GDF7: variants seen among roughly 807,000 people sequenced by gnomAD.
The protein encoded by GDF7 is growth differentiation factor 7, also known as growth/differentiation factor 7.
Under a neutral mutation model 13.4 loss-of-function variants are expected in GDF7, and 12 were observed. The ratio of observed to expected loss-of-function variants is 0.90; its 90% CI spans 0.57 to 1.45. The LOEUF is 1.45. Among genes scored for constraint, GDF7 ranks in the 40% most tolerant of loss-of-function variants. The probability of loss-of-function intolerance (pLI) is 0.00; values close to 1 mark genes in which losing one functional copy is unlikely to be tolerated. For synonymous variants in GDF7, 330 were observed against 306.4 expected (o/e 1.08, Z -0.80); for missense variants, 651 against 652.4 (o/e 1.00, Z 0.02).
rs1418360554 is a variant in GDF7 at position 20,675,834 on chromosome 2, G to A, written c.*4409G>A. ...TATCCTTAATAGGTGCCTCATGGAT[G>A]TGCTTTGAATTCCCCTGGGCTGAGG... On this transcript the variant is annotated 3_prime_UTR_variant, in exon 2 of 2. Coordinates refer to ENST00000272224, the MANE Select transcript of GDF7 (RefSeq NM_182828.4). The A allele has an allele frequency of 6.6e-6, 1 of 152,396 alleles. No homozygotes were observed. Among genetic ancestry groups the A allele is most frequent in the African/African-American group, 2.4e-5 (1 of 41,460 alleles). The allele number at this position is 152,396 out of a possible 1,614,324, so 9.4% of individuals were successfully genotyped here. A position where few individuals can be genotyped will look rare whatever the true frequency, so the allele number is the denominator to read the frequency against.
At position 20,671,237 on chromosome 2, in the gene GDF7, C is replaced by A. The variant is rs1662119487; in HGVS notation, c.1165C>A (p.His389Asn). 6.2e-7 allele frequency: 1 copy of A among 1,614,026 alleles called. No homozygotes were observed. The highest frequency in any genetic ancestry group is 8.5e-7 in the Non-Finnish European group (1 of 1,179,964). ...EGLCDFPLRS[H>N]LEPTNHAIIQ... ...CCTTTGCGACTTCCCTTTGCGTTCG[C>A]ACCTCGAGCCCACCAACCATGCCAT... is the stretch of plus-strand genomic sequence containing the variant. The change falls in exon 2 of 2, where the codon CAC (histidine) becomes AAC (asparagine). Residue 389 changes from histidine (H) to asparagine (N), a missense_variant. By Grantham distance (68) the His-to-Asn change is moderately conservative. Coordinates refer to ENST00000272224, the MANE Select transcript of GDF7 (RefSeq NM_182828.4).
At chr2:20,670,427 A>T (rs1310033702) in intron 1 of GDF7, 37 bp from the exon 2 acceptor site, 1 of 1,485,686 alleles carries the variant, frequency 6.7e-7, no homozygotes, top group African/African-American at 1.5e-5. Context: ...TTGCTCTTAC[A>T]CAGCTCTTTC....
At position 20,667,636 on chromosome 2, in the gene GDF7, T is replaced by A; in HGVS notation, c.391+6T>A. On this transcript the variant is annotated splice_donor_region_variant and intron_variant, in intron 1 of 1. Coordinates refer to ENST00000272224, the MANE Select transcript of GDF7 (RefSeq NM_182828.4). The surrounding 1 kb of genome is among the most constrained non-coding windows in gnomAD (Gnocchi z 6.4). ...CACAGACCAGGCGACCCAAGGTACT[T>A]ACGCCTCTTCTGTGCCCGCCCATCC... The A allele has an allele frequency of 6.8e-7, 1 of 1,468,030 alleles. No individual in the cohort carries two copies. The highest frequency in any genetic ancestry group is 9.0e-7 in the Non-Finnish European group (1 of 1,114,592). 90.9% of individuals were successfully genotyped at this position (1,468,030 alleles called of 1,614,324 possible). A position where few individuals can be genotyped will look rare whatever the true frequency, so the allele number is the denominator to read the frequency against.
chr2:20,670,948 GGCCGCTCTGGCCTCAGA>G lies in GDF7; in HGVS notation c.883_899del (p.Leu295AlafsTer185), dbSNP rs766197466. On this transcript the variant is annotated frameshift_variant, in exon 2 of 2. Transcript: ENST00000272224. LOFTEE classifies it low-confidence loss of function (END_TRUNC). Reference sequence around the variant, plus strand: ...TCCGCGCCCAGGCCCGCGCGCTCGGGGCCGCTCTGGCCTCAGAGCCGCTGCCCGACCCAGGAACCGGC... The same window carrying G: ...TCCGCGCCCAGGCCCGCGCGCTCGGGGCCGCTGCCCGACCCAGGAACCGGC... The G allele has an allele frequency of 1.3e-6, 2 of 1,566,662 alleles. No homozygotes were observed. The highest frequency in any genetic ancestry group is 1.7e-6 in the Non-Finnish European group (2 of 1,164,774).
rs769217824 is a variant in GDF7 at position 20,678,325 on chromosome 2, C to T, written c.*6900C>T. On this transcript the variant is annotated 3_prime_UTR_variant, in exon 2 of 2. Coordinates refer to ENST00000272224, the MANE Select transcript of GDF7 (RefSeq NM_182828.4). ...CAAACAGCTTTTATGTTTTCTTTGA[C>T]GAAGAATCATAATTGAGTCACTTTA... The T allele has an allele frequency of 1.1e-4, 16 of 152,156 alleles. No homozygotes were observed. Among genetic ancestry groups the T allele is most frequent in the African/African-American group, 3.6e-4 (15 of 41,422 alleles). 9.4% of individuals were successfully genotyped at this position (152,156 alleles called of 1,614,324 possible).
Position 20,678,335 on chromosome 2 carries a change from T to C in GDF7, c.*6910T>C, listed in dbSNP as rs1662267626. The C allele has an allele frequency of 6.6e-6, 1 of 152,270 alleles. No homozygotes were observed. Among genetic ancestry groups the C allele is most frequent in the African/African-American group, 2.4e-5 (1 of 41,462 alleles). The allele number at this position is 152,270 out of a possible 1,614,324, so 9.4% of individuals were successfully genotyped here. ...TTATGTTTTCTTTGACGAAGAATCA[T>C]AATTGAGTCACTTTAGGTCTTTTAG... is the stretch of plus-strand genomic sequence containing the variant. On this transcript the variant is annotated 3_prime_UTR_variant, in exon 2 of 2. Transcript: ENST00000272224.
In GDF7 at chr2:20,677,799, C is replaced by T. The variant is rs894092004; in HGVS notation, c.*6374C>T. ...CACAGGTCATCCTGGGGAGACCGCT[C>T]ATGGGCTATGGGCAGCCCATGCCTG... On this transcript the variant is annotated 3_prime_UTR_variant, in exon 2 of 2. Coordinates refer to ENST00000272224, the MANE Select transcript of GDF7 (RefSeq NM_182828.4). 6 of 152,298 alleles carry T rather than the reference C, an allele frequency of 3.9e-5. No homozygotes were observed. The highest frequency in any genetic ancestry group is 7.2e-5 in the African/African-American group (3 of 41,472). 9.4% of individuals were successfully genotyped at this position (152,298 alleles called of 1,614,324 possible). A position where few individuals can be genotyped will look rare whatever the true frequency, so the allele number is the denominator to read the frequency against.
Position 20,677,868 on chromosome 2 carries a change from T to G in GDF7, c.*6443T>G, listed in dbSNP as rs1662259414. On this transcript the variant is annotated 3_prime_UTR_variant, in exon 2 of 2. Transcript: ENST00000272224. ...TCTGAAAAGCAGTGACCAGGTGTGT[T>G]GAGGGCCTCCCCTTGCCTGCACCTT... 6.6e-6 allele frequency: 1 copy of G among 152,468 alleles called. No individual in the cohort carries two copies. The highest frequency in any genetic ancestry group is 2.1e-4 in the South Asian group (1 of 4,836). 9.4% of individuals were successfully genotyped at this position (152,468 alleles called of 1,614,324 possible).
rs111585453 is a variant in GDF7 at position 20,669,002 on chromosome 2, C to T, written c.391+1372C>T. Among the ~76,000 whole-genome samples the T allele has an allele frequency of 1.3e-3, 193 of 152,322 alleles. 4 individuals carry two copies. The highest frequency in any genetic ancestry group is 6.8e-3 in the Middle Eastern group (2 of 294). On this transcript the variant is annotated intron_variant, in intron 1 of 1. Coordinates refer to ENST00000272224, the MANE Select transcript of GDF7 (RefSeq NM_182828.4). ...CTTCTTAAGGTTGAGCTAGTTCTAC[C>T]ATGGTCTCAGACAGGAGATAAATCC...
At position 20,671,660 on chromosome 2, in the gene GDF7, C is replaced by G; in HGVS notation, c.*235C>G. 1.8e-6 allele frequency: 1 copy of G among 541,590 alleles called. No individual in the cohort carries two copies. Among genetic ancestry groups the G allele is most frequent in the Non-Finnish European group, 3.3e-6 (1 of 302,512 alleles). 33.5% of individuals were successfully genotyped at this position (541,590 alleles called of 1,614,324 possible). A position where few individuals can be genotyped will look rare whatever the true frequency, so the allele number is the denominator to read the frequency against. ...ACCTGCCGGTACCGAATGTCAAAGC[C>G]CTGTGTATTTTGCAAACAGATAACC... On this transcript the variant is annotated 3_prime_UTR_variant, in exon 2 of 2. Coordinates refer to ENST00000272224, the MANE Select transcript of GDF7 (RefSeq NM_182828.4).
In GDF7 at chr2:20,675,699, TGG is replaced by T. The variant is rs1228044876; in HGVS notation, c.*4275_*4276del. ...TAGCTTGAAGGCAGAGCAAATGTGA[TGG>T]CTCCTGGAGAAGGTCCTCTCCCAAT... On this transcript the variant is annotated 3_prime_UTR_variant, in exon 2 of 2. Transcript: ENST00000272224. The T allele has an allele frequency of 1.2e-4, 18 of 152,322 alleles. No individual in the cohort carries two copies. Among genetic ancestry groups the T allele is most frequent in the Admixed American group, 1.2e-3 (18 of 15,286 alleles). 9.4% of individuals were successfully genotyped at this position (152,322 alleles called of 1,614,324 possible).
At position 20,672,115 on chromosome 2, in the gene GDF7, C is replaced by T. The variant is rs759402504; in HGVS notation, c.*690C>T. 3 of 135,356 alleles carry T rather than the reference C, an allele frequency of 2.2e-5. No individual in the cohort carries two copies. Among genetic ancestry groups the T allele is most frequent in the Non-Finnish European group, 4.7e-5 (3 of 64,324 alleles). The allele number at this position is 135,356 out of a possible 1,614,324, so 8.4% of individuals were successfully genotyped here. On this transcript the variant is annotated 3_prime_UTR_variant, in exon 2 of 2. Transcript: ENST00000272224. ...CAAAGGTCGGTACCGCCACCCCCCCCCCCCCCCCCGCCTTTTTTTTTTTTT... is the reference window on the plus strand; with the variant it reads ...CAAAGGTCGGTACCGCCACCCCCCCTCCCCCCCCCGCCTTTTTTTTTTTTT...
rs1662252475 is a variant in GDF7 at position 20,677,577 on chromosome 2, G to A, written c.*6152G>A. 1 of 152,246 alleles carries A rather than the reference G, an allele frequency of 6.6e-6. No individual in the cohort carries two copies. Among genetic ancestry groups the A allele is most frequent in the Non-Finnish European group, 1.5e-5 (1 of 68,046 alleles). 9.4% of individuals were successfully genotyped at this position (152,246 alleles called of 1,614,324 possible). On this transcript the variant is annotated 3_prime_UTR_variant, in exon 2 of 2. Coordinates refer to ENST00000272224, the MANE Select transcript of GDF7 (RefSeq NM_182828.4). The stretch of plus-strand genomic sequence containing the variant: ...TTGGCTGCCAGAATCTAGAACCATG[G>A]CTGACCAAAGCGAGACTTCCGAGTA...
rs932496533 is a variant in GDF7 at position 20,677,004 on chromosome 2, T to C, written c.*5579T>C. The C allele has an allele frequency of 6.6e-6, 1 of 152,238 alleles. No individual in the cohort carries two copies. The highest frequency in any genetic ancestry group is 6.5e-5 in the Admixed American group (1 of 15,278). 9.4% of individuals were successfully genotyped at this position (152,238 alleles called of 1,614,324 possible). On this transcript the variant is annotated 3_prime_UTR_variant, in exon 2 of 2. Coordinates refer to ENST00000272224, the MANE Select transcript of GDF7 (RefSeq NM_182828.4). ...GTCTGTGACAACAGAAAGGGTGGGT[T>C]TCTCTCACACGTTTCCCTGACAGTG...
At position 20,675,321 on chromosome 2, in the gene GDF7, G is replaced by A. The variant is rs913263690; in HGVS notation, c.*3896G>A. The A allele has an allele frequency of 1.3e-5, 2 of 152,302 alleles. No individual in the cohort carries two copies. The highest frequency in any genetic ancestry group is 4.8e-5 in the African/African-American group (2 of 41,474). 9.4% of individuals were successfully genotyped at this position (152,302 alleles called of 1,614,324 possible). A position where few individuals can be genotyped will look rare whatever the true frequency, so the allele number is the denominator to read the frequency against. On this transcript the variant is annotated 3_prime_UTR_variant, in exon 2 of 2. Coordinates refer to ENST00000272224, the MANE Select transcript of GDF7 (RefSeq NM_182828.4). ...GGCCTGCGCTTACCCCTCAGAAAGT[G>A]TCTGGATTGGGAAGGGAAGAGAGGA...
chr2:20,669,727 C>T (rs931316654), intron 1 of GDF7, among the ~76,000 whole-genome samples: 5 of 152,246 alleles, frequency 3.3e-5, no homozygotes, highest in African/African-American at 4.8e-5. Context: ...AGCAGCAGCG[C>T]CCATTGTTGC....
At position 20,678,680 on chromosome 2, in the gene GDF7, C is replaced by CA. The variant is rs1306231693; in HGVS notation, c.*7258dup. On this transcript the variant is annotated 3_prime_UTR_variant, in exon 2 of 2. Coordinates refer to ENST00000272224, the MANE Select transcript of GDF7 (RefSeq NM_182828.4). ...GTGATTTTAAGGAAACGGTAAAACT[C>CA]AAAGTGCCAGTAATGCCATCAAGGC... 6.6e-6 allele frequency: 1 copy of CA among 152,212 alleles called. No homozygotes were observed. Among genetic ancestry groups the CA allele is most frequent in the Non-Finnish European group, 1.5e-5 (1 of 68,042 alleles). The allele number at this position is 152,212 out of a possible 1,614,324, so 9.4% of individuals were successfully genotyped here. A position where few individuals can be genotyped will look rare whatever the true frequency, so the allele number is the denominator to read the frequency against.
In GDF7 at chr2:20,671,169, G is replaced by A. The variant is rs1350064730; in HGVS notation, c.1097G>A (p.Trp366Ter). 1 of 1,613,420 alleles carries A rather than the reference G, an allele frequency of 6.2e-7. No homozygotes were observed. The highest frequency in any genetic ancestry group is 8.5e-7 in the Non-Finnish European group (1 of 1,179,860). Residue 366 changes from tryptophan to a stop codon, truncating the protein, a stop_gained, in exon 2 of 2, where the codon TGG becomes TAG. Coordinates refer to ENST00000272224, the MANE Select transcript of GDF7 (RefSeq NM_182828.4). LOFTEE classifies it high-confidence loss of function. ...TTCAAGGAGCTCGGCTGGGACGACT[G>A]GATCATCGCGCCGCTGGACTACGAG... is the stretch of plus-strand genomic sequence containing the variant. The part of the protein sequence containing the change: ...VDFKELGWDD[W>*]IIAPLDYEAY...
At position 20,676,026 on chromosome 2, in the gene GDF7, C is replaced by G. The variant is rs986489022; in HGVS notation, c.*4601C>G. The G allele has an allele frequency of 6.6e-6, 1 of 152,570 alleles. No individual in the cohort carries two copies. Among genetic ancestry groups the G allele is most frequent in the Admixed American group, 6.5e-5 (1 of 15,280 alleles). 9.5% of individuals were successfully genotyped at this position (152,570 alleles called of 1,614,324 possible). A position where few individuals can be genotyped will look rare whatever the true frequency, so the allele number is the denominator to read the frequency against. On this transcript the variant is annotated 3_prime_UTR_variant, in exon 2 of 2. Transcript: ENST00000272224. Reference sequence around the variant, plus strand: ...GAGAGACCTAGTGCTGGGAAGGGCTCTACCTGCTGCTGGGGCCTCTGCAGG... The same window carrying G: ...GAGAGACCTAGTGCTGGGAAGGGCTGTACCTGCTGCTGGGGCCTCTGCAGG...
Sources: gnomAD v4.1 joint callset for allele counts (sites outside exome capture counted in the v4.1 genomes callset) on GRCh38, gnomAD v4.1.1 for gene constraint, Gnocchi (gnomAD v3.1) non-coding constraint, MANE v1.5 for transcripts, NCBI Gene and HGNC (gene_info 2026-07-23, HGNC 2026-07-21) for gene names.